SLC25A16: variants seen among roughly 807,000 people sequenced by gnomAD.
SLC25A16 encodes the protein mitochondrial coenzyme A transporter SLC25A16.
SLC25A16 carries 39 observed loss-of-function variants against 41.5 expected under a neutral mutation model. That is an observed-to-expected ratio of 0.94 (90% CI 0.73 to 1.23). The LOEUF (loss-of-function observed/expected upper bound fraction) is 1.23, where lower values mean the gene tolerates loss of function less well. Ranked by LOEUF, SLC25A16 falls within the 50% of genes most tolerant of loss-of-function variation. The pLI is 0.00. For synonymous variants in SLC25A16, 146 were observed against 147.8 expected, an observed-to-expected ratio of 0.99 and a Z score of 0.09; for missense variants, 421 against 426.9, an observed-to-expected ratio of 0.99 and a Z score of 0.12.
intron 1 of SLC25A16, among the ~76,000 whole-genome samples, chr10:68,521,133 CA>C (rs72252116): frequency 0.26 from 36,958 of 144,910 alleles, 5,162 homozygotes; most frequent in African/African-American, 0.38. Flanking sequence ...ACTCCGTCTC[CA>C]AAAAAAAAAG....
chr10:68,486,237 A>C (rs1316046388), intron 8 of SLC25A16, among the ~76,000 whole-genome samples: 62 of 149,170 alleles, frequency 4.2e-4, no homozygotes, highest in Non-Finnish European at 6.8e-4. Flanking sequence ...AAAACAAAAA[A>C]AAAAAAAAAA....
In SLC25A16 at chr10:68,483,274, G is replaced by C. The variant is rs1317500548; in HGVS notation, c.*158C>G. The C allele has an allele frequency of 8.9e-6, 5 of 563,972 alleles. No individual in the cohort carries two copies. The highest frequency in any genetic ancestry group is 1.6e-5 in the Non-Finnish European group (5 of 322,388). The allele number at this position is 563,972 out of a possible 1,614,324, so 34.9% of individuals were successfully genotyped here. A position where few individuals can be genotyped will look rare whatever the true frequency, so the allele number is the denominator to read the frequency against. ...ATCAAAAAGTATGGTAAGCAGTTCT[G>C]ATTTGTGACTAAAGAAAAAATAATC... is the stretch of plus-strand genomic sequence containing the variant. On this transcript the variant is annotated 3_prime_UTR_variant, in exon 9 of 9. Transcript: ENST00000609923.
intron 2 of SLC25A16, among the ~76,000 whole-genome samples, chr10:68,508,421 A>AG (rs992903583): frequency 1.4e-5 from 2 of 144,858 alleles, no homozygotes; most frequent in Non-Finnish European, 3.0e-5. Flanking sequence ...AAAAAAAAAA[A>AG]AAGAATTCTA....
At position 68,527,382 on chromosome 10, in the gene SLC25A16, C is replaced by T. The variant is rs2053356183; in HGVS notation, c.-7G>A. ...CGGCCGTCGCCGCCGCCATCAGGAC[C>T]AGGGTCGCGTCAGGAGCCTAGGTTG... On this transcript the variant is annotated 5_prime_UTR_variant, in exon 1 of 9. Transcript: ENST00000609923. 2.7e-6 allele frequency: 4 copies of T among 1,485,020 alleles called. No homozygotes were observed. Among genetic ancestry groups the T allele is most frequent in the African/African-American group, 2.9e-5 (2 of 68,886 alleles). The allele number at this position is 1,485,020 out of a possible 1,614,324, so 92.0% of individuals were successfully genotyped here. A position where few individuals can be genotyped will look rare whatever the true frequency, so the allele number is the denominator to read the frequency against.
At chr10:68,516,989 C>G in intron 1 of SLC25A16, 146 bp from the exon 2 acceptor site, 2 of 1,022,512 alleles carry the variant, frequency 2.0e-6, no homozygotes, top group Non-Finnish European at 2.7e-6. Context: ...ATGCAGATGA[C>G]TGGTCCCCAT....
chr10:68,500,862 C>T (rs1448237085), intron 4 of SLC25A16, among the ~76,000 whole-genome samples: 17 of 151,600 alleles, frequency 1.1e-4, no homozygotes, highest in Non-Finnish European at 1.8e-4. Context: ...ACCCAGGAAG[C>T]GGAGGTTGCA....
chr10:68,522,666 T>C (rs1246578412), intron 1 of SLC25A16, among the ~76,000 whole-genome samples: 1 of 151,860 alleles, frequency 6.6e-6, no homozygotes, highest in Non-Finnish European at 1.5e-5. Context: ...ATACAAAAAA[T>C]TAGCCAGGTG....
At chr10:68,511,115 G>C (rs777682619) in intron 2 of SLC25A16, among the ~76,000 whole-genome samples, 1 of 151,892 alleles carries the variant, frequency 6.6e-6, no homozygotes, top group Non-Finnish European at 1.5e-5. Flanking sequence ...GCAGGCACTT[G>C]TAATTCCAGC....
In SLC25A16 at chr10:68,493,129, T is replaced by C. The variant is rs770278742; in HGVS notation, c.610+3A>G. Reference sequence around the variant, plus strand: ...TTAGGATTCTGGCAAATTTGAAACATACCTGCATATGGAGCCATTCCTAAA... The same window carrying C: ...TTAGGATTCTGGCAAATTTGAAACACACCTGCATATGGAGCCATTCCTAAA... On this transcript the variant is annotated splice_donor_region_variant and intron_variant, in intron 6 of 8. Transcript: ENST00000609923. 2.6e-6 allele frequency: 4 copies of C among 1,554,666 alleles called. No homozygotes were observed. The highest frequency in any genetic ancestry group is 2.3e-5 in the East Asian group (1 of 44,228).
In SLC25A16 at chr10:68,506,651, A is replaced by G; in HGVS notation, c.291T>C (p.Gly97=). ...AGGGAAAGATTCGAATCATCATTGC[A>G]CCATTTCCTTTATACAATCCAAGGA... ...EGFLGLYKGN[G]AMMIRIFPYG... The change falls in exon 3 of 9, where the codon GGT becomes GGC. Residue 97 remains glycine, a synonymous_variant. Coordinates refer to ENST00000609923, the MANE Select transcript of SLC25A16 (RefSeq NM_152707.4). 6.2e-7 allele frequency: 1 copy of G among 1,603,466 alleles called. No homozygotes were observed. Among genetic ancestry groups the G allele is most frequent in the East Asian group, 2.2e-5 (1 of 44,464 alleles).
chr10:68,527,233 G>A lies in SLC25A16; in HGVS notation c.130+13C>T, dbSNP rs2053351694. 1.9e-6 allele frequency: 3 copies of A among 1,546,244 alleles called. No individual in the cohort carries two copies. Among genetic ancestry groups the A allele is most frequent in the Non-Finnish European group, 2.6e-6 (3 of 1,145,124 alleles). On this transcript the variant is annotated intron_variant, in intron 1 of 8. Coordinates refer to ENST00000609923, the MANE Select transcript of SLC25A16 (RefSeq NM_152707.4). ...ACTCAGAGCGCGGCTGGCTCTTCGT[G>A]GCATGGACCCACCTCCGGCCAGAAA... is the stretch of plus-strand genomic sequence containing the variant.
intron 1 of SLC25A16, chr10:68,517,657 C>T (rs973430319): frequency 1.3e-5 from 2 of 151,938 alleles, no homozygotes; most frequent in African/African-American, 2.4e-5. Context: ...CACAGTGAGA[C>T]CTCATCTCTA....
chr10:68,513,850 A>T (rs147910769), intron 2 of SLC25A16, among the ~76,000 whole-genome samples: 1 of 152,182 alleles, frequency 6.6e-6, no homozygotes, highest in East Asian at 1.9e-4. Flanking sequence ...TGATTGAGCC[A>T]GCCTGGGCAA....
At chr10:68,489,657 C>T (rs554433299) in intron 6 of SLC25A16, among the ~76,000 whole-genome samples, 1 of 151,984 alleles carries the variant, frequency 6.6e-6, no homozygotes, top group African/African-American at 2.4e-5. Context: ...AATCCCAGCA[C>T]TTTGGGAGGC....
intron 4 of SLC25A16, chr10:68,503,380 T>C: frequency 3.1e-6 from 1 of 323,806 alleles, no homozygotes; most frequent in Non-Finnish European, 5.6e-6. Flanking sequence ...TGACTCTTTT[T>C]CAGTTGGCGT....
At position 68,526,707 on chromosome 10, in the gene SLC25A16, T is replaced by C. The variant is rs1454632655; in HGVS notation, c.130+539A>G. ...GAAATTCCTAAGAGACAATATGAAC[T>C]TTTTGATCCCAAAGTCACATCAATA... On this transcript the variant is annotated intron_variant, in intron 1 of 8. Coordinates refer to ENST00000609923, the MANE Select transcript of SLC25A16 (RefSeq NM_152707.4). Among the ~76,000 whole-genome samples, 3 of 152,322 alleles carry C rather than the reference T, an allele frequency of 2.0e-5. No homozygotes were observed. In the South Asian group the frequency reaches 6.2e-4, roughly 32 times the overall value.
chr10:68,516,878 G>A (rs534475767), intron 1 of SLC25A16, 35 bp from the exon 2 acceptor site: 25 of 1,449,068 alleles, frequency 1.7e-5, no homozygotes, highest in South Asian at 4.7e-5. Flanking sequence ...AAGAAATTGC[G>A]TACCATTTCT....
chr10:68,488,301 G>T (rs2052598386), intron 7 of SLC25A16, among the ~76,000 whole-genome samples, 166 bp downstream of exon 7: 1 of 151,802 alleles, frequency 6.6e-6, no homozygotes, highest in South Asian at 2.1e-4. Flanking sequence ...TTTATAATAT[G>T]CTTAAAGTGC....
chr10:68,522,240 G>A (rs2053262439), intron 1 of SLC25A16, among the ~76,000 whole-genome samples: 1 of 151,964 alleles, frequency 6.6e-6, no homozygotes, highest in Non-Finnish European at 1.5e-5. Context: ...AATGCATTAA[G>A]GTAAGTGATG....
Sources: allele counts gnomAD v4.1 joint callset (sites outside exome capture counted in the v4.1 genomes callset), GRCh38; gene constraint gnomAD v4.1.1; transcripts MANE v1.5; gene names NCBI Gene and HGNC (gene_info 2026-07-23, HGNC 2026-07-21).